The following RIPOR3 variants were observed in gnomAD, a reference collection of about 807,000 sequenced individuals.
The protein encoded by RIPOR3 is family with sequence similarity 65 member C.
A neutral mutation model predicts 114.3 loss-of-function variants in RIPOR3; 95 were observed. The ratio of observed to expected loss-of-function variants is 0.83; its 90% CI spans 0.70 to 0.99. The LOEUF (loss-of-function observed/expected upper bound fraction) is 0.99. Ranked by LOEUF, RIPOR3 falls within the 50% of genes least tolerant of loss-of-function variation. The pLI is 0.00. For synonymous variants in RIPOR3, 575 were observed against 543.8 expected, an observed-to-expected ratio of 1.06 and a Z score of -0.80; for missense variants, 1,252 against 1,266.9, an observed-to-expected ratio of 0.99 and a Z score of 0.18.
At chr20:50,687,077 G>GACTGTTC (rs1167817981) in intron 1 of RIPOR3, among the ~76,000 whole-genome samples, 1 of 152,226 alleles carries the variant, frequency 6.6e-6, no homozygotes, top group Non-Finnish European at 1.5e-5. Context: ...TTCTGTTAGG[G>GACTGTTC]CATCATTCGC....
intron 3 of RIPOR3, among the ~76,000 whole-genome samples, chr20:50,617,436 C>T (rs1322268244): frequency 6.6e-6 from 1 of 152,070 alleles, no homozygotes; most frequent in Non-Finnish European, 1.5e-5. Context: ...AGCTCCCACT[C>T]TGCACAATCC....
chr20:50,593,586 G>A (rs1225044917), intron 17 of RIPOR3, among the ~76,000 whole-genome samples: 1 of 151,884 alleles, frequency 6.6e-6, no homozygotes, highest in Non-Finnish European at 1.5e-5. Context: ...AAAAAAAAGG[G>A]TTTCTGATGG....
chr20:50,595,149 A>C lies in RIPOR3; in HGVS notation c.2050+220T>G, dbSNP rs1017599223. The C allele has an allele frequency of 2.5e-5, 15 of 599,130 alleles. 1 individual carries two copies. Among genetic ancestry groups the C allele is most frequent in the African/African-American group, 2.0e-4 (11 of 54,138 alleles). 37.1% of individuals were successfully genotyped at this position (599,130 alleles called of 1,614,324 possible). A position where few individuals can be genotyped will look rare whatever the true frequency, so the allele number is the denominator to read the frequency against. On this transcript the variant is annotated intron_variant, in intron 16 of 21. Transcript: ENST00000327979. Reference sequence around the variant, plus strand: ...GCTCAGAGATGTGAATCATTTGCCTAGAGTCACACAGCTGACTGAAGAGTG... The same window carrying C: ...GCTCAGAGATGTGAATCATTTGCCTCGAGTCACACAGCTGACTGAAGAGTG...
chr20:50,684,036 A>G (rs4811093), intron 1 of RIPOR3, among the ~76,000 whole-genome samples: 122,972 of 151,706 alleles, frequency 0.81, 50,841 homozygotes, highest in East Asian at 0.96. Context: ...AGCCGAGATT[A>G]CACCATTGTA....
chr20:50,646,632 T>C (rs2085408562), intron 1 of RIPOR3, among the ~76,000 whole-genome samples: 1 of 152,174 alleles, frequency 6.6e-6, no homozygotes, highest in African/African-American at 2.4e-5. Context: ...CCACTATAAA[T>C]GCCCACACAA....
At chr20:50,645,644 C>G (rs568436040) in intron 1 of RIPOR3, 1 of 153,042 alleles carries the variant, frequency 6.5e-6, no homozygotes, top group East Asian at 1.9e-4. Context: ...TCCATCCCTG[C>G]CACACCTGAC....
At chr20:50,677,230 G>C (rs2123576309) in intron 1 of RIPOR3, among the ~76,000 whole-genome samples, 1 of 152,182 alleles carries the variant, frequency 6.6e-6, no homozygotes, top group Middle Eastern at 3.4e-3. Flanking sequence ...CATTCCCATA[G>C]ATAGGTCATT....
intron 1 of RIPOR3, among the ~76,000 whole-genome samples, chr20:50,631,743 G>T (rs913434096): frequency 6.6e-6 from 1 of 152,194 alleles, no homozygotes; most frequent in African/African-American, 2.4e-5. Flanking sequence ...CCGAGCCCTG[G>T]CTGTCTTCTC....
At chr20:50,632,537 C>T (rs2084852739) in intron 1 of RIPOR3, among the ~76,000 whole-genome samples, 2 of 152,204 alleles carry the variant, frequency 1.3e-5, no homozygotes, top group African/African-American at 4.8e-5. Flanking sequence ...ATTTGCTGAC[C>T]ACTCGCTGTG....
At chr20:50,600,409 T>G (rs951921871) in intron 13 of RIPOR3, among the ~76,000 whole-genome samples, 1 of 152,176 alleles carries the variant, frequency 6.6e-6, no homozygotes, top group Admixed American at 6.5e-5. Context: ...AAAATACAAG[T>G]ATGTGACAAA....
intron 2 of RIPOR3, among the ~76,000 whole-genome samples, chr20:50,627,745 C>T (rs148639438): frequency 3.2e-4 from 48 of 152,236 alleles, no homozygotes; most frequent in Middle Eastern, 3.4e-3. Flanking sequence ...GTCAATGCTG[C>T]AGTGAATCGA....
At chr20:50,676,375 G>T (rs1354105157) in intron 1 of RIPOR3, among the ~76,000 whole-genome samples, 1 of 152,048 alleles carries the variant, frequency 6.6e-6, no homozygotes, top group South Asian at 2.1e-4. Flanking sequence ...GTGAGGGCTG[G>T]GTGTGGGGGC....
chr20:50,676,768 A>AATTTTTTTTTTTTTTTTT (rs1568961079), intron 1 of RIPOR3, among the ~76,000 whole-genome samples: 2 of 139,886 alleles, frequency 1.4e-5, no homozygotes, highest in Non-Finnish European at 1.5e-5. Context: ...TCCAGATTCT[A>AATTTTTTTTTTTTTTTTT]CTTTTTTTTT....
Position 50,608,961 on chromosome 20 carries a change from A to G in RIPOR3, c.641-6T>C. 6.3e-7 allele frequency: 1 copy of G among 1,577,596 alleles called. No homozygotes were observed. The highest frequency in any genetic ancestry group is 1.2e-5 in the South Asian group (1 of 86,342). On this transcript the variant is annotated splice_region_variant and splice_polypyrimidine_tract_variant and intron_variant, in intron 8 of 21. Coordinates refer to ENST00000327979, the MANE Select transcript of RIPOR3 (RefSeq NM_001290268.2). ...GCGTGCGTAGCCCACCAAGCCTGGA[A>G]CACAGACATGGCCGGTCTCCCCTCC...
intron 1 of RIPOR3, among the ~76,000 whole-genome samples, chr20:50,689,956 T>C (rs2087153242): frequency 6.6e-6 from 1 of 152,202 alleles, no homozygotes; most frequent in South Asian, 2.1e-4. Context: ...CCCCAGGGAT[T>C]CCCCACCTGC....
At chr20:50,680,794 G>A (rs1412326865) in intron 1 of RIPOR3, among the ~76,000 whole-genome samples, 2 of 152,166 alleles carry the variant, frequency 1.3e-5, no homozygotes, top group Non-Finnish European at 2.9e-5. Context: ...TTGTTGGGTC[G>A]GGGGGTGGGA....
intron 1 of RIPOR3, among the ~76,000 whole-genome samples, chr20:50,655,319 A>G (rs2085770726): frequency 6.6e-6 from 1 of 152,180 alleles, no homozygotes; most frequent in African/African-American, 2.4e-5. Flanking sequence ...GGGAGCTGAG[A>G]CGGGGTGGGA....
intron 1 of RIPOR3, among the ~76,000 whole-genome samples, chr20:50,637,883 A>AT (rs1042789084): frequency 2.0e-5 from 3 of 151,840 alleles, no homozygotes; most frequent in South Asian, 4.1e-4. Flanking sequence ...TCAAAAAAAA[A>AT]TTTTTTTAAA....
chr20:50,639,569 A>G (rs775706991), intron 1 of RIPOR3, among the ~76,000 whole-genome samples: 8 of 152,156 alleles, frequency 5.3e-5, no homozygotes, highest in Non-Finnish European at 1.2e-4. Flanking sequence ...ATGACTCACC[A>G]AAACGCCTGC....
Sources: allele counts gnomAD v4.1 joint callset (sites outside exome capture counted in the v4.1 genomes callset), GRCh38; gene constraint gnomAD v4.1.1; transcripts MANE v1.5; gene names NCBI Gene and HGNC (gene_info 2026-07-23, HGNC 2026-07-21).